The following LSR variants were observed in gnomAD, a reference collection of about 807,000 sequenced individuals.
LSR encodes lipolysis-stimulated lipoprotein receptor.
LSR carries 44 observed loss-of-function variants against 61.8 expected under a neutral mutation model. The ratio of observed to expected loss-of-function variants is 0.71; its 90% CI spans 0.56 to 0.91. The LOEUF is 0.91. Among genes scored for constraint, LSR ranks in the 40% least tolerant of loss-of-function variants. LSR has a pLI of 0.00. For missense variants in LSR, 911 were observed against 830.5 expected, an observed-to-expected ratio of 1.10 and a Z score of -1.19; for synonymous variants, 397 against 350.6, an observed-to-expected ratio of 1.13 and a Z score of -1.48.
intron 5 of LSR, chr19:35,262,903 T>C (rs2065949325): frequency 3.3e-6 from 2 of 597,156 alleles, no homozygotes; most frequent in African/African-American, 1.9e-5. Context: ...GTTGTTCTTT[T>C]CTTTTGTAAG....
intron 5 of LSR, chr19:35,263,920 C>G (rs2065963993): frequency 6.6e-6 from 1 of 152,064 alleles, no homozygotes; most frequent in Admixed American, 6.6e-5. Context: ...TATTCTCCTG[C>G]CTCAGCCTCC....
Position 35,267,657 on chromosome 19 carries a change from G to A in LSR, c.1693G>A (p.Glu565Lys), listed in dbSNP as rs770452111. ...GAGACCCCACAAGGAGGAGGAGGAA[G>A]AGGCCTACTACCCGCCCGCGCCGCC... ...RRRPHKEEEE[E>K]AYYPPAPPPY... Residue 565 changes from glutamate (E) to lysine (K), a missense_variant, in exon 9 of 10, where the codon GAG (glutamate) becomes AAG (lysine). Glu to Lys is a moderately conservative substitution (Grantham distance 56, BLOSUM62 1). Transcript: ENST00000605618. The A allele has an allele frequency of 2.7e-5, 43 of 1,609,600 alleles. No homozygotes were observed. The highest frequency in any genetic ancestry group is 1.2e-4 in the Admixed American group (7 of 58,978).
chr19:35,252,648 C>CAAAA (rs57052855), intron 2 of LSR, among the ~76,000 whole-genome samples: 5 of 74,758 alleles, frequency 6.7e-5, no homozygotes, highest in Admixed American at 1.5e-4. Flanking sequence ...GACTCTGTCT[C>CAAAA]AAAAAAAAAA....
At position 35,266,982 on chromosome 19, in the gene LSR, T is replaced by C; in HGVS notation, c.1144+15T>C. Reference sequence around the variant, plus strand: ...TGTGGAGCGGGGTAAGCAGGAGCCTTGGGGTCTGAGGGCTTTTAAGGTGGG... The same window carrying C: ...TGTGGAGCGGGGTAAGCAGGAGCCTCGGGGTCTGAGGGCTTTTAAGGTGGG... On this transcript the variant is annotated intron_variant, in intron 8 of 9. Transcript: ENST00000605618. The C allele has an allele frequency of 6.2e-7, 1 of 1,603,750 alleles. No individual in the cohort carries two copies. The highest frequency in any genetic ancestry group is 8.5e-7 in the Non-Finnish European group (1 of 1,175,620).
intron 3 of LSR, 56 bp from the exon 4 acceptor site, chr19:35,261,869 G>C: frequency 7.9e-7 from 1 of 1,270,168 alleles, no homozygotes; most frequent in African/African-American, 1.5e-5. Context: ...TTTCGGGGGT[G>C]GCACAGCCTG....
At chr19:35,258,634 G>T (rs1414704309) in intron 2 of LSR, among the ~76,000 whole-genome samples, 1 of 151,818 alleles carries the variant, frequency 6.6e-6, no homozygotes, top group Non-Finnish European at 1.5e-5. Context: ...ACAACCTCAG[G>T]CTCCGAGGGC....
At chr19:35,267,013 G>A (rs370401570) in intron 8 of LSR, 46 bp downstream of exon 8, 92 of 1,580,882 alleles carry the variant, frequency 5.8e-5, no homozygotes, top group Non-Finnish European at 7.7e-5. Context: ...GTGGGGGGGT[G>A]AAACATGTCT....
intron 3 of LSR, among the ~76,000 whole-genome samples, chr19:35,261,385 T>C (rs938300314): frequency 1.3e-5 from 2 of 152,202 alleles, no homozygotes; most frequent in African/African-American, 4.8e-5. Context: ...AAAGTAAAAT[T>C]AAACCATTTC....
rs2066038991 is a variant in LSR at position 35,267,632 on chromosome 19, G to A, written c.1668G>A (p.Arg556=). The A allele has an allele frequency of 6.2e-7, 1 of 1,612,212 alleles. No homozygotes were observed. Among genetic ancestry groups the A allele is most frequent in the Non-Finnish European group, 8.5e-7 (1 of 1,179,516 alleles). ...AVRKKGSEER[R]RPHKEEEEEA... is the part of the protein sequence containing the mutation. The stretch of plus-strand genomic sequence containing the variant: ...GGAAGAAGGGGTCGGAGGAGAGGAG[G>A]AGACCCCACAAGGAGGAGGAGGAAG... Residue 556 remains arginine, a synonymous_variant, in exon 9 of 10, where the codon AGG becomes AGA. Transcript: ENST00000605618.
Position 35,255,651 on chromosome 19 carries a change from C to T in LSR, c.455-3294C>T, listed in dbSNP as rs150521493. ...TAGATGCCTGATCATTAGGGTAAGT[C>T]GTGTCCTCAACCCCTTCACATCTGC... is the stretch of plus-strand genomic sequence containing the variant. On this transcript the variant is annotated intron_variant, in intron 2 of 9. Coordinates refer to ENST00000605618, the MANE Select transcript of LSR (RefSeq NM_205834.4). Among the ~76,000 whole-genome samples the T allele has an allele frequency of 2.0e-5, 3 of 152,238 alleles. No homozygotes were observed. The East Asian group carries it at 5.8e-4, about 29-fold the overall frequency.
intron 1 of LSR, 121 bp from the exon 2 acceptor site, chr19:35,250,194 G>C (rs989361583): frequency 3.3e-6 from 2 of 597,902 alleles, no homozygotes; most frequent in Non-Finnish European, 5.7e-6. Context: ...AAGGAACAAT[G>C]TGTGCCAGGC....
rs1293571311 is a variant in LSR at position 35,267,097 on chromosome 19, C to T, written c.1145-12C>T. 6.6e-7 allele frequency: 1 copy of T among 1,525,864 alleles called. No individual in the cohort carries two copies. Among genetic ancestry groups the T allele is most frequent in the African/African-American group, 1.4e-5 (1 of 71,946 alleles). The allele number at this position is 1,525,864 out of a possible 1,614,324, so 94.5% of individuals were successfully genotyped here. A position where few individuals can be genotyped will look rare whatever the true frequency, so the allele number is the denominator to read the frequency against. The stretch of plus-strand genomic sequence containing the variant: ...CTCCTCCAGCAGTCAGTGACACCCC[C>T]CTTCCCTGCAGCCATGAGTGAAGTC... On this transcript the variant is annotated splice_polypyrimidine_tract_variant and intron_variant, in intron 8 of 9. Transcript: ENST00000605618.
In LSR at chr19:35,258,958, C is replaced by G. The variant is rs1347657172; in HGVS notation, c.468C>G (p.Thr156=). 1 of 1,613,984 alleles carries G rather than the reference C, an allele frequency of 6.2e-7. No individual in the cohort carries two copies. Among genetic ancestry groups the G allele is most frequent in the Admixed American group, 1.7e-5 (1 of 60,006 alleles). The change falls in exon 3 of 10, where the codon ACC becomes ACG. Residue 156 remains threonine, a synonymous_variant. Coordinates refer to ENST00000605618, the MANE Select transcript of LSR (RefSeq NM_205834.4). ...ATCCCGACTCAGATGCTGACCTGAC[C>G]TTTGACCAGACGGCGTGGGGGGACA... The part of the protein sequence containing the change: ...RITITGNADL[T]FDQTAWGDSG...
chr19:35,252,146 C>T (rs2065802067), intron 2 of LSR, among the ~76,000 whole-genome samples: 1 of 151,784 alleles, frequency 6.6e-6, no homozygotes, highest in African/African-American at 2.4e-5. Context: ...TTGTTCTTAA[C>T]TGTAATGCTG....
intron 2 of LSR, among the ~76,000 whole-genome samples, chr19:35,255,889 C>T (rs2065850165): frequency 6.6e-6 from 1 of 152,164 alleles, no homozygotes; most frequent in South Asian, 2.1e-4. Flanking sequence ...GGATTTATAA[C>T]TCAAAGGTTC....
chr19:35,259,928 G>A (rs1291197761), intron 3 of LSR, among the ~76,000 whole-genome samples: 1 of 152,240 alleles, frequency 6.6e-6, no homozygotes, highest in Non-Finnish European at 1.5e-5. Context: ...TGTTGCCATC[G>A]GCCAGGTGCC....
chr19:35,262,663 G>A lies in LSR; in HGVS notation c.749G>A (p.Cys250Tyr). The part of the protein sequence containing the change: ...TCCCYVRCPC[C>Y]PDKCCCPEAL... Reference sequence around the variant, plus strand: ...TGCTGCTACGTCAGGTGCCCCTGCTGCCCAGACAAGTGCTGCTGCCCCGAG... The same window carrying A: ...TGCTGCTACGTCAGGTGCCCCTGCTACCCAGACAAGTGCTGCTGCCCCGAG... The change falls in exon 5 of 10, where the codon TGC (cysteine) becomes TAC (tyrosine). Residue 250 changes from cysteine to tyrosine, a missense_variant. Cys to Tyr is a radical substitution (Grantham distance 194). Coordinates refer to ENST00000605618, the MANE Select transcript of LSR (RefSeq NM_205834.4). The A allele has an allele frequency of 6.2e-7, 1 of 1,614,090 alleles. No homozygotes were observed.
chr19:35,261,419 TG>T (rs1237247895), intron 3 of LSR, among the ~76,000 whole-genome samples: 2 of 152,222 alleles, frequency 1.3e-5, no homozygotes, highest in African/African-American at 4.8e-5. Context: ...GACACATGCC[TG>T]TAGCCCTAGC....
At chr19:35,260,495 A>G (rs1022708207) in intron 3 of LSR, among the ~76,000 whole-genome samples, 13 of 151,648 alleles carry the variant, frequency 8.6e-5, no homozygotes, top group Non-Finnish European at 1.9e-4. Context: ...GGGTTTCACC[A>G]TGTTAGCCAG....
Sources: gnomAD v4.1 joint callset for allele counts (sites outside exome capture counted in the v4.1 genomes callset) on GRCh38, gnomAD v4.1.1 for gene constraint, MANE v1.5 for transcripts, NCBI Gene and HGNC (gene_info 2026-07-23, HGNC 2026-07-21) for gene names.